The following CYP20A1 variants were observed in gnomAD, a reference collection of about 807,000 sequenced individuals.
The protein encoded by CYP20A1 is cytochrome P450 20A1.
A neutral mutation model predicts 61.4 loss-of-function variants in CYP20A1; 61 were observed. The observed-to-expected ratio is 0.99, with a 90% CI of 0.81 to 1.23. The LOEUF is 1.23. Ranked by LOEUF, CYP20A1 falls within the 50% of genes most tolerant of loss-of-function variation. The probability of loss-of-function intolerance (pLI) is 0.00; values close to 1 mark genes in which losing one functional copy is unlikely to be tolerated. For missense variants in CYP20A1, 530 were observed against 542.4 expected, an observed-to-expected ratio of 0.98 and a Z score of 0.23; for synonymous variants, 193 against 188.2, an observed-to-expected ratio of 1.03 and a Z score of -0.21.
intron 11 of CYP20A1, among the ~76,000 whole-genome samples, chr2:203,292,998 A>G (rs1575275797): frequency 6.6e-6 from 1 of 151,066 alleles, no homozygotes; most frequent in African/African-American, 2.4e-5. Flanking sequence ...ACATAGCGAA[A>G]CCCTGTCTCT....
rs776568807 is a variant in CYP20A1 at position 203,281,716 on chromosome 2, G to A, written c.850+1603G>A. Among the ~76,000 whole-genome samples, 87 of 151,084 alleles carry A rather than the reference G, an allele frequency of 5.8e-4. 2 individuals are homozygous for A. The highest frequency in any genetic ancestry group is 2.4e-4 in the Non-Finnish European group (16 of 67,826). On this transcript the variant is annotated intron_variant, in intron 8 of 12. Transcript: ENST00000356079. ...CTGAGGAGGCTGAGGCAAAAGAATC[G>A]CTTGAACCCCAGAGGCAGAGGTTAC...
intron 6 of CYP20A1, among the ~76,000 whole-genome samples, chr2:203,275,891 A>G (rs1357244253): frequency 2.6e-5 from 4 of 152,250 alleles, no homozygotes; most frequent in African/African-American, 9.6e-5. Flanking sequence ...GTGGGAAGAG[A>G]CAGACAGTAA....
At chr2:203,295,213 G>C (rs991062496) in intron 11 of CYP20A1, among the ~76,000 whole-genome samples, 1 of 151,604 alleles carries the variant, frequency 6.6e-6, no homozygotes, top group Non-Finnish European at 1.5e-5. Context: ...CCAAAGTGCT[G>C]GGATTACAGG....
chr2:203,296,629 A>G, intron 12 of CYP20A1, 66 bp downstream of exon 12: 1 of 1,417,208 alleles, frequency 7.1e-7, no homozygotes, highest in South Asian at 1.3e-5. Context: ...AGAATGGGCA[A>G]TCTGTATGAT....
chr2:203,296,821 T>C lies in CYP20A1; in HGVS notation c.1302T>C (p.Ser434=). 6.2e-7 allele frequency: 1 copy of C among 1,611,566 alleles called. No homozygotes were observed. The highest frequency in any genetic ancestry group is 1.3e-5 in the African/African-American group (1 of 74,954). ...SVLVKRLHLL[S]VEGQVIETKY... ...TGGTGAAGAGACTGCACCTACTTTC[T>C]GTGGAGGGACAGGTTATTGAAACAA... Residue 434 remains serine (S), a synonymous_variant, in exon 13 of 13, where the codon TCT becomes TCC. Transcript: ENST00000356079.
At chr2:203,247,330 C>G (rs2066496693) in intron 3 of CYP20A1, among the ~76,000 whole-genome samples, 1 of 152,006 alleles carries the variant, frequency 6.6e-6, no homozygotes, top group African/African-American at 2.4e-5. Flanking sequence ...ATAGGAATAG[C>G]CAACATTTAT....
rs371728926 is a variant in CYP20A1, at chr2:203,284,426, A to T, written c.851-1186A>T. Among the ~76,000 whole-genome samples, 7 of 152,332 alleles carry T rather than the reference A, an allele frequency of 4.6e-5. No individual in the cohort carries two copies. In the South Asian group the frequency reaches 1.0e-3, roughly 23 times the overall value. On this transcript the variant is annotated intron_variant, in intron 8 of 12. Transcript: ENST00000356079. ...TAATCCCAGTGTATTACTAAAGGAA[A>T]TATAACTACTCTTTTTCCTCTGTTT...
chr2:203,295,939 C>T (rs2068775074), intron 11 of CYP20A1, among the ~76,000 whole-genome samples: 1 of 151,642 alleles, frequency 6.6e-6, no homozygotes, highest in Admixed American at 6.6e-5. Flanking sequence ...CAGAACAAGA[C>T]TCCGTCTCAA....
At chr2:203,246,154 G>A (rs2066453344) in intron 2 of CYP20A1, among the ~76,000 whole-genome samples, 1 of 152,148 alleles carries the variant, frequency 6.6e-6, no homozygotes, top group African/African-American at 2.4e-5. Context: ...TTTGTGGTAG[G>A]ACTAGGCAGA....
At position 203,304,557 on chromosome 2, in the gene CYP20A1, G is replaced by A. The variant is rs2069149655; in HGVS notation, c.*7649G>A. 6.6e-6 allele frequency among the ~76,000 whole-genome samples: 1 copy of A among 152,130 alleles called. No individual in the cohort carries two copies. The highest frequency in any genetic ancestry group is 1.5e-5 in the Non-Finnish European group (1 of 68,026). ...CCAACCTAAACACATTTCTGTGACT[G>A]TTTATATTTTTCCCTGTTCCACATA... is the stretch of plus-strand genomic sequence containing the variant. On this transcript the variant is annotated 3_prime_UTR_variant, in exon 13 of 13. Coordinates refer to ENST00000356079, the MANE Select transcript of CYP20A1 (RefSeq NM_177538.3).
chr2:203,289,629 A>G (rs2068446321), intron 9 of CYP20A1, 136 bp from the exon 10 acceptor site: 1 of 399,382 alleles, frequency 2.5e-6, no homozygotes, highest in Non-Finnish European at 4.6e-6. Context: ...CATATCTTTA[A>G]GCAGATAAGA....
chr2:203,304,143 T>C lies in CYP20A1; in HGVS notation c.*7235T>C, dbSNP rs548885601. Among the ~76,000 whole-genome samples, 13 of 151,482 alleles carry C rather than the reference T, an allele frequency of 8.6e-5. No individual in the cohort carries two copies. Among genetic ancestry groups the C allele is most frequent in the Non-Finnish European group, 1.9e-4 (13 of 67,854 alleles). On this transcript the variant is annotated 3_prime_UTR_variant, in exon 13 of 13. Transcript: ENST00000356079. ...CTGAGGCAGGAGAATGTCTGGGAGGTGGAGGTTGCAGTGTGCCGAGATCGC... is the reference window on the plus strand; with the variant it reads ...CTGAGGCAGGAGAATGTCTGGGAGGCGGAGGTTGCAGTGTGCCGAGATCGC...
Position 203,298,655 on chromosome 2 carries a change from C to A in CYP20A1, c.*1747C>A, listed in dbSNP as rs556336725. The stretch of plus-strand genomic sequence containing the variant: ...GGCAGAGGTTGCAGTGAGCCAAGAT[C>A]GCACCACTGCACTCCAGCCTGGGTG... On this transcript the variant is annotated 3_prime_UTR_variant, in exon 13 of 13. Coordinates refer to ENST00000356079, the MANE Select transcript of CYP20A1 (RefSeq NM_177538.3). 7.5e-6 allele frequency among the ~76,000 whole-genome samples: 1 copy of A among 133,144 alleles called. No individual in the cohort carries two copies. The highest frequency in any genetic ancestry group is 2.8e-5 in the African/African-American group (1 of 35,194). 87.3% of individuals were successfully genotyped at this position (133,144 alleles called of 152,430 possible).
At chr2:203,296,715 A>G (rs2068813579) in intron 12 of CYP20A1, 43 bp from the exon 13 acceptor site, 1 of 1,557,952 alleles carries the variant, frequency 6.4e-7, no homozygotes, top group Non-Finnish European at 8.6e-7. Context: ...TTTAAAGTAT[A>G]ATTTTTAATC....
rs1008966423 is a variant in CYP20A1, at chr2:203,300,345, C to G, written c.*3437C>G. On this transcript the variant is annotated 3_prime_UTR_variant, in exon 13 of 13. Transcript: ENST00000356079. The stretch of plus-strand genomic sequence containing the variant: ...ATATATAAACTAAGTTATTCATTCA[C>G]TGTTTTTCTTCACAGTAAGAATGAC... Among the ~76,000 whole-genome samples, 1 of 152,148 alleles carries G rather than the reference C, an allele frequency of 6.6e-6. No homozygotes were observed. The highest frequency in any genetic ancestry group is 1.9e-4 in the East Asian group (1 of 5,198).
intron 6 of CYP20A1, among the ~76,000 whole-genome samples, chr2:203,275,125 G>C (rs189211846): frequency 2.0e-5 from 3 of 152,138 alleles, no homozygotes; most frequent in Admixed American, 6.6e-5. Flanking sequence ...CCTTATCCTA[G>C]ACCAGTTTAT....
At chr2:203,264,722 T>A (rs1355671130) in intron 4 of CYP20A1, among the ~76,000 whole-genome samples, 1 of 152,102 alleles carries the variant, frequency 6.6e-6, no homozygotes, top group African/African-American at 2.4e-5. Flanking sequence ...TTTATATTTT[T>A]TTTATATTTC....
At chr2:203,287,370 T>C (rs2068325044) in intron 9 of CYP20A1, among the ~76,000 whole-genome samples, 1 of 152,096 alleles carries the variant, frequency 6.6e-6, no homozygotes, top group African/African-American at 2.4e-5. Flanking sequence ...CCGAAGTGTA[T>C]GAAGTAGAAG....
intron 5 of CYP20A1, among the ~76,000 whole-genome samples, chr2:203,271,191 C>T (rs1460213642): frequency 6.9e-6 from 1 of 145,456 alleles, no homozygotes; most frequent in African/African-American, 2.5e-5. Context: ...GGGTTCACGC[C>T]ATTCTTCTGC....
Sources: gnomAD v4.1 joint callset for allele counts (sites outside exome capture counted in the v4.1 genomes callset) on GRCh38, gnomAD v4.1.1 for gene constraint, MANE v1.5 for transcripts, NCBI Gene and HGNC (gene_info 2026-07-23, HGNC 2026-07-21) for gene names.